UXS1: variants seen among roughly 807,000 people sequenced by gnomAD.
UXS1 encodes UDP-glucuronic acid decarboxylase 1.
UXS1 carries 33 observed loss-of-function variants against 62.6 expected under a neutral mutation model. The observed-to-expected ratio is 0.53, with a 90% CI of 0.40 to 0.70. The LOEUF (loss-of-function observed/expected upper bound fraction) is 0.70, where lower values mean the gene tolerates loss of function less well. Ranked by LOEUF, UXS1 falls within the 30% of genes least tolerant of loss-of-function variation. UXS1 has a pLI of 0.00. For synonymous variants in UXS1, 213 were observed against 206.8 expected (o/e 1.03, Z -0.26); for missense variants, 434 against 556.3 (o/e 0.78, Z 2.21).
At chr2:106,182,318 G>C (rs185868776) in intron 1 of UXS1, among the ~76,000 whole-genome samples, 2 of 152,296 alleles carry the variant, frequency 1.3e-5, no homozygotes, top group African/African-American at 2.4e-5. Context: ...TGCAGCCCGC[G>C]GGCAGTGGCT....
At chr2:106,111,147 C>G (rs1314372456) in intron 10 of UXS1, among the ~76,000 whole-genome samples, 2 of 152,138 alleles carry the variant, frequency 1.3e-5, no homozygotes, top group Admixed American at 6.6e-5. Flanking sequence ...AGAGTGGCTC[C>G]AAGGCTACGG....
intron 14 of UXS1, among the ~76,000 whole-genome samples, chr2:106,095,253 C>CAATG (rs1360836463): frequency 6.6e-6 from 1 of 152,032 alleles, no homozygotes; most frequent in Non-Finnish European, 1.5e-5. Flanking sequence ...ACAAAGGGAC[C>CAATG]AATGGCCCCT....
At chr2:106,167,264 G>C (rs1266883750) in intron 1 of UXS1, among the ~76,000 whole-genome samples, 1 of 152,108 alleles carries the variant, frequency 6.6e-6, no homozygotes, top group Non-Finnish European at 1.5e-5. Flanking sequence ...ACTCCTATTT[G>C]GCCCTCATGT....
intron 2 of UXS1, 130 bp from the exon 3 acceptor site, chr2:106,164,929 C>T: frequency 1.6e-6 from 1 of 625,736 alleles, no homozygotes; most frequent in Non-Finnish European, 2.7e-6. Flanking sequence ...TGTACAATTC[C>T]CTCCAGAAGG....
At chr2:106,108,341 A>G (rs1678268284) in intron 10 of UXS1, among the ~76,000 whole-genome samples, 1 of 152,162 alleles carries the variant, frequency 6.6e-6, no homozygotes, top group Non-Finnish European at 1.5e-5. Flanking sequence ...GCCCCATCCA[A>G]AATATCTGTC....
intron 6 of UXS1, among the ~76,000 whole-genome samples, chr2:106,136,427 A>G (rs1313440157): frequency 7.3e-6 from 1 of 137,594 alleles, no homozygotes; most frequent in Non-Finnish European, 1.6e-5. Context: ...TACCCAAATG[A>G]CTATAAATCA....
chr2:106,121,807 T>C (rs74702617), intron 9 of UXS1, among the ~76,000 whole-genome samples: 1,717 of 152,320 alleles, frequency 0.011, 16 homozygotes, highest in Non-Finnish European at 0.019. Context: ...GGCATTTCAT[T>C]AAACACATGA....
chr2:106,174,312 A>G (rs969599305), intron 1 of UXS1, among the ~76,000 whole-genome samples: 1 of 152,230 alleles, frequency 6.6e-6, no homozygotes, highest in Non-Finnish European at 1.5e-5. Flanking sequence ...ATGAAGAGAC[A>G]GTGAGGTGCT....
At chr2:106,101,220 A>G in intron 11 of UXS1, 102 bp from the exon 12 acceptor site, 1 of 1,257,204 alleles carries the variant, frequency 8.0e-7, no homozygotes, top group Non-Finnish European at 1.1e-6. Context: ...CACCCCCAGG[A>G]GAAAACAAAA....
chr2:106,104,767 G>C (rs747250009), intron 11 of UXS1, 27 bp downstream of exon 11: 2 of 1,613,944 alleles, frequency 1.2e-6, no homozygotes. Context: ...GCACTGCTAA[G>C]GCTGGGGCAG....
intron 9 of UXS1, among the ~76,000 whole-genome samples, chr2:106,120,781 T>C (rs1679459459): frequency 1.3e-5 from 2 of 152,196 alleles, no homozygotes; most frequent in South Asian, 2.1e-4. Flanking sequence ...CTTGCAGCCA[T>C]TCTGCAACTG....
chr2:106,112,667 C>G lies in UXS1; in HGVS notation c.858G>C (p.Ala286=). 6.2e-7 allele frequency: 1 copy of G among 1,613,932 alleles called. No individual in the cohort carries two copies. Among genetic ancestry groups the G allele is most frequent in the Non-Finnish European group, 8.5e-7 (1 of 1,179,874 alleles). ...CTACCGTGAGTGGCTCCCCCTGGAGCGCCTGCAGGATGAAGTTGCTGACTA... is the reference window on the plus strand; with the variant it reads ...CTACCGTGAGTGGCTCCCCCTGGAGGGCCTGCAGGATGAAGTTGCTGACTA... ...GRVVSNFILQ[A]LQGEPLTVYG... The change falls in exon 10 of 15, where the codon GCG becomes GCC. Residue 286 remains alanine, a synonymous_variant. Transcript: ENST00000283148.
At chr2:106,174,931 T>C (rs1327364812) in intron 1 of UXS1, among the ~76,000 whole-genome samples, 2 of 152,168 alleles carry the variant, frequency 1.3e-5, no homozygotes, top group Admixed American at 6.5e-5. Flanking sequence ...GGGCTCCAGA[T>C]TCCTTCCCAT....
intron 1 of UXS1, among the ~76,000 whole-genome samples, chr2:106,190,498 C>T (rs538714359): frequency 1.3e-3 from 194 of 152,226 alleles, no homozygotes; most frequent in African/African-American, 4.3e-3. Flanking sequence ...GCAATCCTAG[C>T]ACTTTGGGAG....
chr2:106,149,346 T>C (rs1261831021), intron 5 of UXS1, among the ~76,000 whole-genome samples: 1 of 152,208 alleles, frequency 6.6e-6, no homozygotes, highest in African/African-American at 2.4e-5. Context: ...GCTTTTAACG[T>C]GTCCACCAAA....
chr2:106,194,259 G>C lies in UXS1; in HGVS notation c.-18C>G, dbSNP rs564487980. 11 of 1,367,470 alleles carry C rather than the reference G, an allele frequency of 8.0e-6. No individual in the cohort carries two copies. Among genetic ancestry groups the C allele is most frequent in the South Asian group, 4.5e-5 (3 of 67,086 alleles). The allele number at this position is 1,367,470 out of a possible 1,614,324, so 84.7% of individuals were successfully genotyped here. On this transcript the variant is annotated 5_prime_UTR_variant, in exon 1 of 15. Transcript: ENST00000283148. The stretch of plus-strand genomic sequence containing the variant: ...CTCACCATCCCCGGGAGCCGCGCGG[G>C]TCCAGGGCCCTACCGCGCGGGGGCC...
At chr2:106,154,560 G>A (rs1682282004) in intron 5 of UXS1, among the ~76,000 whole-genome samples, 1 of 152,150 alleles carries the variant, frequency 6.6e-6, no homozygotes, top group Admixed American at 6.5e-5. Flanking sequence ...CGAGAAGCTG[G>A]GAGAAAAGCA....
At chr2:106,106,031 GCT>G (rs1678034842) in intron 10 of UXS1, among the ~76,000 whole-genome samples, 2 of 152,302 alleles carry the variant, frequency 1.3e-5, no homozygotes, top group South Asian at 2.1e-4. Context: ...CCCCGCTCCA[GCT>G]CTGAGAAGGA....
At position 106,137,523 on chromosome 2, in the gene UXS1, T is replaced by G. The variant is rs971417883; in HGVS notation, c.472+7667A>C. ...CCAAATGAGGGCCAGGCACAATGGC[T>G]CACACCTGTAATCCTAGCACTTTGG... On this transcript the variant is annotated intron_variant, in intron 6 of 14. Transcript: ENST00000283148. 9.2e-5 allele frequency among the ~76,000 whole-genome samples: 14 copies of G among 152,050 alleles called. 1 individual carries two copies. Among genetic ancestry groups the G allele is most frequent in the Non-Finnish European group, 1.8e-4 (12 of 68,008 alleles).
Sources: allele counts gnomAD v4.1 joint callset (sites outside exome capture counted in the v4.1 genomes callset), GRCh38; gene constraint gnomAD v4.1.1; transcripts MANE v1.5; gene names NCBI Gene and HGNC (gene_info 2026-07-23, HGNC 2026-07-21).